Variants in XXYLT1 observed in about 807,000 individuals in gnomAD.
XXYLT1 encodes the protein xyloside xylosyltransferase 1.
XXYLT1 carries 20 observed loss-of-function variants against 28.9 expected under a neutral mutation model. The ratio of observed to expected loss-of-function variants is 0.69; its 90% confidence interval spans 0.49 to 1.00. The LOEUF (loss-of-function observed/expected upper bound fraction) is 1.00, where lower values mean the gene tolerates loss of function less well. XXYLT1 is among the 50% of genes least tolerant of loss of function. The pLI is 0.00. For synonymous variants in XXYLT1, 257 were observed against 253.8 expected (o/e 1.01, Z -0.12); for missense variants, 542 against 560.1 (o/e 0.97, Z 0.33).
At chr3:195,172,317 T>G (rs1721446456) in intron 2 of XXYLT1, among the ~76,000 whole-genome samples, 1 of 152,206 alleles carries the variant, frequency 6.6e-6, no homozygotes, top group South Asian at 2.1e-4. Flanking sequence ...TCGAAGTGTT[T>G]CGCTCAGGAG....
At chr3:195,099,637 T>C (rs1236403563) in intron 3 of XXYLT1, among the ~76,000 whole-genome samples, 3 of 152,106 alleles carry the variant, frequency 2.0e-5, no homozygotes, top group African/African-American at 7.2e-5. Context: ...AAGACCATCC[T>C]GGTTAACACG....
intron 3 of XXYLT1, among the ~76,000 whole-genome samples, chr3:195,073,301 C>G (rs1242382570): frequency 1.3e-5 from 2 of 152,268 alleles, no homozygotes; most frequent in Non-Finnish European, 2.9e-5. Context: ...CCTGAGGCCT[C>G]TACGAGGCAG....
At chr3:195,143,383 C>A (rs1010336246) in intron 3 of XXYLT1, among the ~76,000 whole-genome samples, 1 of 152,116 alleles carries the variant, frequency 6.6e-6, no homozygotes, top group Non-Finnish European at 1.5e-5. Flanking sequence ...GTTTTTTGGC[C>A]AGCAGATTGT....
intron 3 of XXYLT1, among the ~76,000 whole-genome samples, chr3:195,134,868 T>TGTGTGC (rs996449867): frequency 4.0e-5 from 4 of 100,124 alleles, no homozygotes; most frequent in Admixed American, 9.6e-5. Flanking sequence ...TGTGTGTGTG[T>TGTGTGC]GCGTGTGCGC....
chr3:195,117,629 G>A (rs947308538), intron 3 of XXYLT1, among the ~76,000 whole-genome samples: 1 of 124,784 alleles, frequency 8.0e-6, no homozygotes, highest in African/African-American at 2.8e-5. Flanking sequence ...GAAACAAAGG[G>A]AAAAACTCCA....
At chr3:195,108,531 G>C (rs1717273617) in intron 3 of XXYLT1, among the ~76,000 whole-genome samples, 1 of 152,208 alleles carries the variant, frequency 6.6e-6, no homozygotes, top group African/African-American at 2.4e-5. Flanking sequence ...AACAGAGTTT[G>C]CTCTGAGAAA....
At chr3:195,085,624 G>A (rs1050874369) in intron 3 of XXYLT1, among the ~76,000 whole-genome samples, 1 of 152,220 alleles carries the variant, frequency 6.6e-6, no homozygotes, top group Non-Finnish European at 1.5e-5. Flanking sequence ...GCGGGCCGCG[G>A]TGGGCAGCCG....
intron 1 of XXYLT1, chr3:195,259,722 A>C (rs1300035993): frequency 1.0e-6 from 1 of 970,698 alleles, no homozygotes; most frequent in Non-Finnish European, 1.2e-6. Flanking sequence ...CGGCCCCCGG[A>C]GCCGGCCTCT....
intron 1 of XXYLT1, among the ~76,000 whole-genome samples, chr3:195,259,831 T>C (rs1725616976): frequency 6.6e-6 from 1 of 152,184 alleles, no homozygotes; most frequent in South Asian, 2.1e-4. Context: ...CCACACTGGC[T>C]GCGGAGGCCC....
At chr3:195,206,779 A>G (rs1024240107) in intron 2 of XXYLT1, among the ~76,000 whole-genome samples, 5 of 151,934 alleles carry the variant, frequency 3.3e-5, no homozygotes, top group Non-Finnish European at 7.4e-5. Flanking sequence ...AAAAAAAAGT[A>G]CTTTTCTGTT....
At chr3:195,267,483 C>T (rs1725880090) in intron 1 of XXYLT1, among the ~76,000 whole-genome samples, 1 of 152,208 alleles carries the variant, frequency 6.6e-6, no homozygotes, top group Non-Finnish European at 1.5e-5. Context: ...TACTCCAAAT[C>T]CCTTCCAGCT....
At chr3:195,224,519 C>A (rs1487245950) in intron 2 of XXYLT1, among the ~76,000 whole-genome samples, 2 of 152,232 alleles carry the variant, frequency 1.3e-5, no homozygotes, top group Non-Finnish European at 2.9e-5. Flanking sequence ...CTGCACAATT[C>A]ATTGCCTGGC....
rs1718013794 is a variant in XXYLT1, at chr3:195,115,795, T to C, written c.785+40654A>G. Among the ~76,000 whole-genome samples, 1 of 151,750 alleles carries C rather than the reference T, an allele frequency of 6.6e-6. No individual in the cohort carries two copies. The highest frequency in any genetic ancestry group is 2.4e-5 in the African/African-American group (1 of 41,262). On this transcript the variant is annotated intron_variant, in intron 3 of 3. Coordinates refer to ENST00000310380, the MANE Select transcript of XXYLT1 (RefSeq NM_152531.5). This position sits in a 1 kb window ranked among gnomAD's most constrained non-coding sequence, Gnocchi z 4.2. Reference sequence around the variant, plus strand: ...GACCGGACCTCGGTTATCTAGAGAGTAACTAACAGTGCTTTGTCAGAGGGC... The same window carrying C: ...GACCGGACCTCGGTTATCTAGAGAGCAACTAACAGTGCTTTGTCAGAGGGC...
intron 2 of XXYLT1, among the ~76,000 whole-genome samples, chr3:195,169,869 ATTTT>A (rs34190474): frequency 4.1e-5 from 5 of 123,234 alleles, no homozygotes; most frequent in African/African-American, 1.5e-4. Flanking sequence ...ATATATATAT[ATTTT>A]TTTTTTTTTG....
chr3:195,070,069 C>A lies in XXYLT1; in HGVS notation c.828G>T (p.Arg276=), dbSNP rs765695626. 20 of 1,592,256 alleles carry A rather than the reference C, an allele frequency of 1.3e-5. No individual in the cohort carries two copies. The highest frequency in any genetic ancestry group is 7.8e-5 in the South Asian group (7 of 89,794). The change falls in exon 4 of 4, where the codon CGG becomes CGT. Residue 276 remains arginine (R), a synonymous_variant. Transcript: ENST00000310380. Reference sequence around the variant, plus strand: ...GCCCCTCGGGGGGCGGGCCCCCAACCCGGGTCTGGGGGTTCTCATGGCGGA... The same window carrying A: ...GCCCCTCGGGGGGCGGGCCCCCAACACGGGTCTGGGGGTTCTCATGGCGGA... ...WQFRHENPQT[R]VGGPPPEGLP...
chr3:195,252,735 G>A (rs939611989), intron 1 of XXYLT1, among the ~76,000 whole-genome samples: 5 of 143,004 alleles, frequency 3.5e-5, no homozygotes. Context: ...CACAGAGAGA[G>A]AGAGAGAGAG....
At chr3:195,247,999 C>A in intron 1 of XXYLT1, 2 of 534,830 alleles carry the variant, frequency 3.7e-6, no homozygotes, top group Non-Finnish European at 6.7e-6. Context: ...GTGGGGATTA[C>A]AATTTGAGGT....
chr3:195,165,977 ATC>A, intron 2 of XXYLT1, among the ~76,000 whole-genome samples: 1 of 152,070 alleles, frequency 6.6e-6, no homozygotes, highest in South Asian at 2.1e-4. Context: ...CATTGCTTTC[ATC>A]TCTGTTTACC....
At chr3:195,095,449 A>G (rs1231628961) in intron 3 of XXYLT1, 1 of 153,786 alleles carries the variant, frequency 6.5e-6, no homozygotes, top group Non-Finnish European at 1.5e-5. Flanking sequence ...CCTGTGCCCC[A>G]TATGGTCAGG....
Sources: gnomAD v4.1 joint callset for allele counts (sites outside exome capture counted in the v4.1 genomes callset) on GRCh38, gnomAD v4.1.1 for gene constraint, Gnocchi (gnomAD v3.1) non-coding constraint, MANE v1.5 for transcripts, NCBI Gene and HGNC (gene_info 2026-07-23, HGNC 2026-07-21) for gene names.